KIAA1217: variants seen among roughly 807,000 people sequenced by gnomAD.
KIAA1217 encodes the protein KIAA1217, also known as sickle tail protein homolog.
A neutral mutation model predicts 163.9 loss-of-function variants in KIAA1217; 88 were observed. That is an observed-to-expected ratio of 0.54 (90% confidence interval 0.45 to 0.64). The LOEUF (loss-of-function observed/expected upper bound fraction) is 0.64. Ranked by LOEUF, KIAA1217 falls within the 30% of genes least tolerant of loss-of-function variation. The pLI, the probability that KIAA1217 is intolerant of heterozygous loss-of-function variation, is 0.00. For missense variants in KIAA1217, 2,372 were observed against 2,475.0 expected, an observed-to-expected ratio of 0.96 and a Z score of 0.88; for synonymous variants, 903 against 923.1, an observed-to-expected ratio of 0.98 and a Z score of 0.39.
At chr10:23,803,823 T>C (rs1046974679) in intron 1 of KIAA1217, among the ~76,000 whole-genome samples, 5 of 152,268 alleles carry the variant, frequency 3.3e-5, no homozygotes, top group African/African-American at 1.2e-4. Flanking sequence ...TGCATTTTGA[T>C]GAAATGACCA....
At chr10:24,117,716 T>G (rs754167657) in intron 2 of KIAA1217, among the ~76,000 whole-genome samples, 4 of 152,296 alleles carry the variant, frequency 2.6e-5, no homozygotes, top group Non-Finnish European at 4.4e-5. Flanking sequence ...AAAGTCTCAA[T>G]CTGTGGTCAG....
intron 1 of KIAA1217, among the ~76,000 whole-genome samples, chr10:23,775,845 GA>G (rs1299134459): frequency 6.6e-6 from 1 of 152,104 alleles, no homozygotes; most frequent in Non-Finnish European, 1.5e-5. Context: ...TTCCATCACA[GA>G]CTTTTTTTCC....
chr10:24,188,023 C>G (rs2066525903), intron 2 of KIAA1217, among the ~76,000 whole-genome samples: 1 of 151,892 alleles, frequency 6.6e-6, no homozygotes, highest in Non-Finnish European at 1.5e-5. Context: ...TATGGCAAAA[C>G]TTCATCTCTA....
At chr10:24,147,956 C>T (rs1589676034) in intron 2 of KIAA1217, among the ~76,000 whole-genome samples, 1 of 149,972 alleles carries the variant, frequency 6.7e-6, no homozygotes, top group South Asian at 2.1e-4. Context: ...AAAATAAAAG[C>T]TATTACACTT....
At chr10:24,441,091 A>C (rs1189602136) in intron 5 of KIAA1217, among the ~76,000 whole-genome samples, 3 of 152,214 alleles carry the variant, frequency 2.0e-5, no homozygotes, top group Non-Finnish European at 4.4e-5. Flanking sequence ...AGCAAGCATC[A>C]ATTGTTGTAG....
intron 2 of KIAA1217, among the ~76,000 whole-genome samples, chr10:24,244,549 TTTTCTTTCTTTC>T (rs2073519012): frequency 6.8e-6 from 1 of 146,966 alleles, no homozygotes; most frequent in East Asian, 2.0e-4. Context: ...GGCTTCCCTC[TTTTCTTTCTTTC>T]TTTTTTTTTT....
chr10:24,160,731 C>T (rs2065081844), intron 2 of KIAA1217, among the ~76,000 whole-genome samples: 1 of 152,150 alleles, frequency 6.6e-6, no homozygotes, highest in Admixed American at 6.5e-5. Flanking sequence ...GTGCTGTCCT[C>T]TTTTGCAAAA....
intron 1 of KIAA1217, among the ~76,000 whole-genome samples, chr10:24,000,788 C>G (rs1264151913): frequency 6.6e-6 from 1 of 152,222 alleles, no homozygotes; most frequent in Admixed American, 6.5e-5. Context: ...GATGCCGTGC[C>G]TTGTCTACAA....
intron 1 of KIAA1217, among the ~76,000 whole-genome samples, chr10:23,814,967 C>G (rs2130994020): frequency 6.6e-6 from 1 of 152,266 alleles, no homozygotes; most frequent in South Asian, 2.1e-4. Context: ...TTTTATGGCT[C>G]TGATAAATTC....
intron 1 of KIAA1217, among the ~76,000 whole-genome samples, chr10:23,794,724 G>T (rs1836116216): frequency 6.6e-6 from 1 of 152,346 alleles, no homozygotes; most frequent in East Asian, 1.9e-4. Context: ...TTAAATAAAT[G>T]TGTAATGGAT....
intron 1 of KIAA1217, among the ~76,000 whole-genome samples, chr10:23,902,594 A>G (rs979007035): frequency 6.6e-6 from 1 of 152,152 alleles, no homozygotes; most frequent in Admixed American, 6.5e-5. Flanking sequence ...GCAGTACTTT[A>G]GTCACAGCAT....
chr10:23,747,035 G>C (rs1213722014), intron 1 of KIAA1217, among the ~76,000 whole-genome samples: 2 of 152,136 alleles, frequency 1.3e-5, no homozygotes, highest in Non-Finnish European at 2.9e-5. Context: ...TAGAAAAACT[G>C]GCAGAAAGGC....
intron 6 of KIAA1217, chr10:24,482,427 A>G (rs1025973986): frequency 6.6e-6 from 1 of 152,238 alleles, no homozygotes; most frequent in Non-Finnish European, 1.5e-5. Context: ...TTAGGTGCAG[A>G]GTAAGCCTCC....
At chr10:24,322,034 C>T (rs1320108028) in intron 2 of KIAA1217, among the ~76,000 whole-genome samples, 2 of 152,108 alleles carry the variant, frequency 1.3e-5, no homozygotes, top group Non-Finnish European at 2.9e-5. Context: ...CTGCAATCTC[C>T]ACCTCCCAGG....
chr10:24,222,716 G>C (rs182132176), intron 2 of KIAA1217, among the ~76,000 whole-genome samples: 1 of 152,036 alleles, frequency 6.6e-6, no homozygotes, highest in African/African-American at 2.4e-5. Flanking sequence ...TACCATGTTG[G>C]CCAGGCTGGT....
intron 1 of KIAA1217, among the ~76,000 whole-genome samples, chr10:23,930,169 C>T (rs181808275): frequency 3.9e-5 from 6 of 151,996 alleles, no homozygotes; most frequent in Admixed American, 3.9e-4. Context: ...ATATCTTTCT[C>T]GGTCACTAGT....
intron 2 of KIAA1217, among the ~76,000 whole-genome samples, chr10:24,022,436 A>G (rs1253823004): frequency 6.6e-6 from 1 of 151,796 alleles, no homozygotes; most frequent in East Asian, 1.9e-4. Flanking sequence ...TACCTAAAAT[A>G]AAAAAATTTT....
chr10:24,334,430 G>GGGAA, intron 2 of KIAA1217, among the ~76,000 whole-genome samples: 1 of 101,216 alleles, frequency 9.9e-6, no homozygotes, highest in Non-Finnish European at 1.9e-5. Flanking sequence ...GGAGGAGGGA[G>GGGAA]GGAAGGATGG....
At chr10:23,785,494 T>A (rs2130911722) in intron 1 of KIAA1217, among the ~76,000 whole-genome samples, 1 of 152,294 alleles carries the variant, frequency 6.6e-6, no homozygotes, top group East Asian at 1.9e-4. Context: ...TCTTGAAGTG[T>A]TCATCTATTT....
Sources: allele counts gnomAD v4.1 joint callset (sites outside exome capture counted in the v4.1 genomes callset), GRCh38; gene constraint gnomAD v4.1.1; transcripts MANE v1.5; gene names NCBI Gene and HGNC (gene_info 2026-07-23, HGNC 2026-07-21).